Variants in KLF17 observed in about 807,000 individuals in gnomAD.
KLF17 encodes the protein KLF transcription factor 17.
KLF17 carries 31 observed loss-of-function variants against 34.2 expected under a neutral mutation model. The ratio of observed to expected loss-of-function variants is 0.91; its 90% CI spans 0.68 to 1.22. The LOEUF is 1.22. Ranked by LOEUF, KLF17 falls within the 50% of genes most tolerant of loss-of-function variation. The pLI is 0.00. For synonymous variants in KLF17, 179 were observed against 186.7 expected, an observed-to-expected ratio of 0.96 and a Z score of 0.34; for missense variants, 478 against 505.2, an observed-to-expected ratio of 0.95 and a Z score of 0.52.
the KLF17 span, among the ~76,000 whole-genome samples, chr1:44,069,364 T>G: frequency 3.6e-3 from 555 of 152,230 alleles, 6 homozygotes; most frequent in Middle Eastern, 6.8e-3. The surrounding 1 kb of genome is among the most constrained non-coding windows in gnomAD (Gnocchi z 4.7). Context: ...GAGGTTTATT[T>G]TGGCTTATGG....
rs2088088596 is a variant in KLF17, at chr1:44,130,099, C to T, written c.828C>T (p.Gly276=). ...CTCAGGAAGGGACTGGTAGAAGGGGCTCCTCAGAGGCAAGGCCTTACTGCT... is the reference window on the plus strand; with the variant it reads ...CTCAGGAAGGGACTGGTAGAAGGGGTTCCTCAGAGGCAAGGCCTTACTGCT... The part of the protein sequence containing the change: ...SRPQEGTGRR[G]SSEARPYCCN... The change falls in exon 2 of 4, where the codon GGC becomes GGT. Residue 276 remains glycine, a synonymous_variant. Transcript: ENST00000372299. 2 of 1,614,102 alleles carry T rather than the reference C, an allele frequency of 1.2e-6. No individual in the cohort carries two copies. Among genetic ancestry groups the T allele is most frequent in the African/African-American group, 2.7e-5 (2 of 74,926 alleles).
chr1:44,080,420 A>T, the KLF17 span, among the ~76,000 whole-genome samples: 1 of 150,902 alleles, frequency 6.6e-6, no homozygotes, highest in South Asian at 2.1e-4. Flanking sequence ...TTATATTTTT[A>T]GTAGAGACGG....
the KLF17 span, among the ~76,000 whole-genome samples, chr1:44,086,108 A>G: frequency 6.6e-6 from 1 of 152,146 alleles, no homozygotes; most frequent in Non-Finnish European, 1.5e-5. Context: ...CACTGGGAAG[A>G]CCAGATGGAG....
chr1:44,109,185 G>A, the KLF17 span, among the ~76,000 whole-genome samples: 2 of 152,154 alleles, frequency 1.3e-5, no homozygotes, highest in African/African-American at 2.4e-5. Context: ...CTCATTGTGT[G>A]AATGGGGAAA....
chr1:44,127,708 C>CTTTT (rs1209152903), intron 1 of KLF17, among the ~76,000 whole-genome samples: 1 of 96,578 alleles, frequency 1.0e-5, no homozygotes, highest in African/African-American at 5.3e-5. Flanking sequence ...TTCTTTCTTT[C>CTTTT]TTTCTTCTCT....
chr1:44,103,248 C>T, the KLF17 span: 10 of 677,918 alleles, frequency 1.5e-5, no homozygotes, highest in South Asian at 4.9e-5. Flanking sequence ...AGCGGCCTCC[C>T]TCCCGGACTC....
At chr1:44,076,486 C>G in the KLF17 span, 2 of 152,244 alleles carry the variant, frequency 1.3e-5, no homozygotes, top group Non-Finnish European at 2.9e-5. Flanking sequence ...GTCTCAGACT[C>G]TGCTTTCAAG....
the KLF17 span, chr1:44,104,058 A>G: frequency 2.3e-6 from 2 of 879,782 alleles, no homozygotes; most frequent in Non-Finnish European, 3.9e-6. Context: ...CGTGGCGGAG[A>G]TCTGGGACTG....
chr1:44,129,298 A>C (rs1369657012), intron 1 of KLF17, 55 bp from the exon 2 acceptor site: 1 of 1,502,766 alleles, frequency 6.7e-7, no homozygotes, highest in Non-Finnish European at 8.9e-7. Flanking sequence ...GATGAAGAGG[A>C]GGAACATGTG....
the KLF17 span, among the ~76,000 whole-genome samples, chr1:44,046,638 G>T: frequency 6.6e-6 from 1 of 152,002 alleles, no homozygotes; most frequent in Non-Finnish European, 1.5e-5. Flanking sequence ...CTCAGGAAAT[G>T]GATGTGCAGA....
chr1:44,111,648 C>T, the KLF17 span, among the ~76,000 whole-genome samples: 2 of 152,074 alleles, frequency 1.3e-5, no homozygotes, highest in South Asian at 4.1e-4. Flanking sequence ...AATCTCAGCA[C>T]TTTGGGAGGC....
chr1:44,102,030 T>C, the KLF17 span, among the ~76,000 whole-genome samples: 1 of 148,878 alleles, frequency 6.7e-6, no homozygotes, highest in Non-Finnish European at 1.5e-5. Context: ...GGGCAATAGA[T>C]TGAGACCCTG....
At chr1:44,122,047 AT>A (rs1260366516) in intron 1 of KLF17, 12 of 745,152 alleles carry the variant, frequency 1.6e-5, no homozygotes, top group East Asian at 2.7e-5. Context: ...TCCTTTTTTC[AT>A]TTTTTTGTCC....
At chr1:44,057,927 C>T in the KLF17 span, among the ~76,000 whole-genome samples, 1 of 152,206 alleles carries the variant, frequency 6.6e-6, no homozygotes, top group South Asian at 2.1e-4. Flanking sequence ...ATAGATTTTA[C>T]TCAGATGCCA....
the KLF17 span, among the ~76,000 whole-genome samples, chr1:44,100,037 A>C: frequency 6.6e-6 from 1 of 151,120 alleles, no homozygotes; most frequent in Non-Finnish European, 1.5e-5. Flanking sequence ...GGAGTTCGAG[A>C]CCAGCCTGGC....
chr1:44,130,246 G>A, intron 2 of KLF17, 50 bp downstream of exon 2: 2 of 1,557,868 alleles, frequency 1.3e-6, no homozygotes, highest in Non-Finnish European at 8.7e-7. Context: ...CTGGGCTTTA[G>A]ATTTGTCCTG....
At chr1:44,107,038 G>C in the KLF17 span, 1 of 152,242 alleles carries the variant, frequency 6.6e-6, no homozygotes. Flanking sequence ...TTTCAGGATG[G>C]GAGAGGGGGT....
At chr1:44,046,610 T>C in the KLF17 span, among the ~76,000 whole-genome samples, 1 of 152,092 alleles carries the variant, frequency 6.6e-6, no homozygotes, top group African/African-American at 2.4e-5. Context: ...AGATACTATA[T>C]GTTCTTCATT....
chr1:44,123,999 T>C (rs973942734), intron 1 of KLF17, among the ~76,000 whole-genome samples: 2 of 152,170 alleles, frequency 1.3e-5, no homozygotes, highest in African/African-American at 4.8e-5. Context: ...ATCTACTATA[T>C]GGTCTTCTGA....
Sources: gnomAD v4.1 joint callset for allele counts (sites outside exome capture counted in the v4.1 genomes callset) on GRCh38, gnomAD v4.1.1 for gene constraint, Gnocchi (gnomAD v3.1) non-coding constraint, MANE v1.5 for transcripts, NCBI Gene and HGNC (gene_info 2026-07-23, HGNC 2026-07-21) for gene names.